KCNMA1: variants seen among roughly 807,000 people sequenced by gnomAD.
KCNMA1 encodes the protein potassium calcium-activated channel subfamily M alpha 1, also known as Calcium-activated potassium channel subunit alpha-1.
KCNMA1 carries 29 observed loss-of-function variants against 140.0 expected under a neutral mutation model. That is an observed-to-expected ratio of 0.21 (90% CI 0.15 to 0.28). The LOEUF (loss-of-function observed/expected upper bound fraction) is 0.28, where lower values mean the gene tolerates loss of function less well. Ranked by LOEUF, KCNMA1 falls within the 10% of genes least tolerant of loss-of-function variation. The pLI is 1.00. For synonymous variants in KCNMA1, 612 were observed against 611.9 expected (o/e 1.00, Z 0.00); for missense variants, 880 against 1,602.2 (o/e 0.55, Z 7.70).
intron 1 of KCNMA1, among the ~76,000 whole-genome samples, chr10:77,603,291 C>T (rs1036541520): frequency 2.6e-5 from 4 of 152,142 alleles, no homozygotes; most frequent in Admixed American, 1.3e-4. Context: ...CAGCTTCCTT[C>T]GGTCCCCCCC....
intron 2 of KCNMA1, among the ~76,000 whole-genome samples, chr10:77,302,038 A>ATG (rs972833116): frequency 7.2e-5 from 11 of 151,998 alleles, no homozygotes; most frequent in African/African-American, 2.7e-4. Context: ...CATGTCCTAC[A>ATG]TGTTGGATGG....
chr10:76,920,437 C>A (rs1401888792), intron 23 of KCNMA1, among the ~76,000 whole-genome samples: 1 of 152,030 alleles, frequency 6.6e-6, no homozygotes, highest in African/African-American at 2.4e-5. Flanking sequence ...AGCAACTTGC[C>A]CCAGGACATA....
intron 23 of KCNMA1, among the ~76,000 whole-genome samples, chr10:76,935,044 C>T (rs2060197349): frequency 6.6e-6 from 1 of 152,344 alleles, no homozygotes; most frequent in Admixed American, 6.5e-5. Context: ...CTCCAACAGT[C>T]ATACTGTTCA....
At chr10:77,034,605 A>G (rs918635596) in intron 15 of KCNMA1, among the ~76,000 whole-genome samples, 1 of 152,254 alleles carries the variant, frequency 6.6e-6, no homozygotes, top group African/African-American at 2.4e-5. Context: ...GAGGGAAAAG[A>G]GAATCCCCCT....
chr10:76,882,532 A>G (rs1220235883), downstream of KCNMA1, among the ~76,000 whole-genome samples: 7 of 152,182 alleles, frequency 4.6e-5, no homozygotes, highest in Non-Finnish European at 1.0e-4. Flanking sequence ...CTGTGAGCAA[A>G]GTATGCTTAT....
chr10:77,062,535 C>T (rs918034291), intron 14 of KCNMA1, among the ~76,000 whole-genome samples: 8 of 152,054 alleles, frequency 5.3e-5, no homozygotes, highest in Non-Finnish European at 8.8e-5. Flanking sequence ...CTCAACAAAC[C>T]AGTCATCATC....
At chr10:77,093,851 T>C (rs2096869328) in intron 9 of KCNMA1, among the ~76,000 whole-genome samples, 1 of 152,202 alleles carries the variant, frequency 6.6e-6, no homozygotes, top group Admixed American at 6.5e-5. Context: ...CATCCAAAGT[T>C]ATCTCTGTTG....
intron 1 of KCNMA1, among the ~76,000 whole-genome samples, chr10:77,454,080 C>CAAG (rs2097712936): frequency 6.6e-6 from 1 of 152,084 alleles, no homozygotes; most frequent in South Asian, 2.1e-4. Context: ...AAAATAAGCT[C>CAAG]AAGAATGTTT....
chr10:77,549,636 A>G (rs1377289913), intron 1 of KCNMA1, among the ~76,000 whole-genome samples: 1 of 152,244 alleles, frequency 6.6e-6, no homozygotes, highest in Non-Finnish European at 1.5e-5. Flanking sequence ...TATGCCCTAC[A>G]GGGCAGTTAT....
chr10:77,009,010 A>G (rs982019615), intron 18 of KCNMA1, among the ~76,000 whole-genome samples: 4 of 152,182 alleles, frequency 2.6e-5, no homozygotes, highest in African/African-American at 9.7e-5. Context: ...CCTCACACAC[A>G]CATCTGCATC....
chr10:77,156,227 TAAAAAAAAAAAA>T (rs58950492), intron 5 of KCNMA1, among the ~76,000 whole-genome samples: 16,288 of 120,618 alleles, frequency 0.14, 1,114 homozygotes, highest in Middle Eastern at 0.2. Flanking sequence ...GACTCCATCT[TAAAAAAAAAAAA>T]AAAAAAAAAA....
intron 14 of KCNMA1, among the ~76,000 whole-genome samples, chr10:77,054,167 C>A (rs1298154086): frequency 6.6e-6 from 1 of 152,146 alleles, no homozygotes; most frequent in Admixed American, 6.5e-5. Context: ...AATACCCAAT[C>A]CCATTCTGAA....
At chr10:76,928,144 C>T (rs1016415756) in intron 23 of KCNMA1, among the ~76,000 whole-genome samples, 1 of 151,948 alleles carries the variant, frequency 6.6e-6, no homozygotes, top group Non-Finnish European at 1.5e-5. Context: ...ATTGCTCTTA[C>T]TTATGTTATT....
At chr10:77,481,844 T>C (rs1372725268) in intron 1 of KCNMA1, among the ~76,000 whole-genome samples, 1 of 151,430 alleles carries the variant, frequency 6.6e-6, no homozygotes, top group Non-Finnish European at 1.5e-5. Context: ...ATCTCATACG[T>C]TAATCTTGTA....
At chr10:77,032,317 T>C (rs986611135) in intron 15 of KCNMA1, among the ~76,000 whole-genome samples, 1 of 152,202 alleles carries the variant, frequency 6.6e-6, no homozygotes, top group South Asian at 2.1e-4. Flanking sequence ...AGCCATCTAA[T>C]CCTTATTCTA....
At chr10:77,398,966 C>T (rs2096167773) in intron 2 of KCNMA1, among the ~76,000 whole-genome samples, 2 of 152,118 alleles carry the variant, frequency 1.3e-5, no homozygotes, top group South Asian at 2.1e-4. Context: ...CATGTAAATT[C>T]CAAATAGGAG....
chr10:77,399,241 T>C (rs566047430), intron 2 of KCNMA1, among the ~76,000 whole-genome samples: 4 of 152,172 alleles, frequency 2.6e-5, no homozygotes, highest in Non-Finnish European at 5.9e-5. Flanking sequence ...TAACATGAGA[T>C]GCAGTGAACA....
At chr10:77,450,803 G>A (rs1184309381) in intron 1 of KCNMA1, among the ~76,000 whole-genome samples, 2 of 152,188 alleles carry the variant, frequency 1.3e-5, no homozygotes, top group African/African-American at 4.8e-5. Flanking sequence ...TTGGCTCTGT[G>A]TCCCCACTCA....
At chr10:77,135,028 A>AAAAAAAAG (rs2097969742) in intron 5 of KCNMA1, among the ~76,000 whole-genome samples, 1 of 140,300 alleles carries the variant, frequency 7.1e-6, no homozygotes, top group African/African-American at 2.6e-5. Flanking sequence ...AAAAAAAAAA[A>AAAAAAAAG]GGAAGAAAGA....
Sources: gnomAD v4.1 joint callset for allele counts (sites outside exome capture counted in the v4.1 genomes callset) on GRCh38, gnomAD v4.1.1 for gene constraint, MANE v1.5 for transcripts, NCBI Gene and HGNC (gene_info 2026-07-23, HGNC 2026-07-21) for gene names.